Variants in TDRD9 observed in about 807,000 individuals in gnomAD.
TDRD9 encodes the protein ATP-dependent RNA helicase TDRD9.
In TDRD9, 124 loss-of-function variants were observed where a neutral mutation model predicts 172.6. The observed-to-expected ratio is 0.72, with a 90% CI of 0.62 to 0.83. The LOEUF (loss-of-function observed/expected upper bound fraction) is 0.83. TDRD9 is among the 40% of genes least tolerant of loss of function. The pLI is 0.00. For missense variants in TDRD9, 1,479 were observed against 1,714.1 expected (o/e 0.86, Z 2.42); for synonymous variants, 619 against 617.1 (o/e 1.00, Z -0.05).
At position 104,052,425 on chromosome 14, in the gene TDRD9, G is replaced by A. The variant is rs1487525872; in HGVS notation, c.*343G>A. ...ATAAGTAGTTAATCTTAGATGTAAGGTTCCAGAATGTGCTTACATATTCTG... is the reference window on the plus strand; with the variant it reads ...ATAAGTAGTTAATCTTAGATGTAAGATTCCAGAATGTGCTTACATATTCTG... On this transcript the variant is annotated 3_prime_UTR_variant, in exon 36 of 36. Transcript: ENST00000409874. 1 of 169,858 alleles carries A rather than the reference G, an allele frequency of 5.9e-6. No homozygotes were observed. Among genetic ancestry groups the A allele is most frequent in the African/African-American group, 2.4e-5 (1 of 41,934 alleles). The allele number at this position is 169,858 out of a possible 1,614,324, so 10.5% of individuals were successfully genotyped here.
chr14:103,958,421 C>G (rs553215470), intron 2 of TDRD9, among the ~76,000 whole-genome samples: 1 of 152,274 alleles, frequency 6.6e-6, no homozygotes, highest in East Asian at 1.9e-4. Context: ...GCAGGGTCAG[C>G]TGGAGGCTAA....
Position 103,928,698 on chromosome 14 carries a change from G to C in TDRD9, c.189G>C (p.Pro63=). 3 of 1,191,164 alleles carry C rather than the reference G, an allele frequency of 2.5e-6. No individual in the cohort carries two copies. Among genetic ancestry groups the C allele is most frequent in the Non-Finnish European group, 2.1e-6 (2 of 953,748 alleles). 73.8% of individuals were successfully genotyped at this position (1,191,164 alleles called of 1,614,324 possible). ...AGGCTCCGGCTCTGGCCCAAGCTCC[G>C]GCCCGGCCGGCCGCTGCGTTCGAAA... ...AAQAPALAQA[P]ARPAAAFERS... is the part of the protein sequence containing the mutation. Residue 63 remains proline, a synonymous_variant, in exon 1 of 36, where the codon CCG becomes CCC. Coordinates refer to ENST00000409874, the MANE Select transcript of TDRD9 (RefSeq NM_153046.3).
In TDRD9 at chr14:103,956,105, AAAAAAAATATATATATATATATATATAT is replaced by A. The variant is rs1298492310; in HGVS notation, c.322+337_322+364del. 7.8e-4 allele frequency among the ~76,000 whole-genome samples: 31 copies of A among 39,566 alleles called. 1 individual carries two copies. Among genetic ancestry groups the A allele is most frequent in the South Asian group, 6.5e-3 (6 of 928 alleles). 26.0% of individuals were successfully genotyped at this position (39,566 alleles called of 152,430 possible). On this transcript the variant is annotated intron_variant, in intron 2 of 35. Coordinates refer to ENST00000409874, the MANE Select transcript of TDRD9 (RefSeq NM_153046.3). ...AAAAAAAAAAAAAAAAAAAAAAAAA[AAAAAAAATATATATATATATATATATAT>A]ATATATATATATATATAATTATTAG...
At chr14:104,045,735 G>A (rs144822983) in intron 34 of TDRD9, among the ~76,000 whole-genome samples, 142 of 152,310 alleles carry the variant, frequency 9.3e-4, no homozygotes, top group African/African-American at 3.3e-3. Flanking sequence ...TATCAAGAGA[G>A]TATGGATTGT....
intron 20 of TDRD9, among the ~76,000 whole-genome samples, chr14:104,014,190 C>T (rs963903091): frequency 6.1e-5 from 9 of 146,656 alleles, no homozygotes; most frequent in East Asian, 4.1e-4. Context: ...GCTGTGATCG[C>T]GCCACTGCAC....
intron 35 of TDRD9, chr14:104,049,975 G>A (rs1489937281): frequency 6.4e-6 from 2 of 314,928 alleles, no homozygotes; most frequent in Non-Finnish European, 1.2e-5. Flanking sequence ...GCTCTTGTTG[G>A]TCTTTGTGAA....
intron 30 of TDRD9, among the ~76,000 whole-genome samples, chr14:104,032,915 C>T (rs952527589): frequency 5.3e-5 from 8 of 152,044 alleles, no homozygotes; most frequent in Non-Finnish European, 1.0e-4. Flanking sequence ...TGAGGCCTGG[C>T]GGATACAGAG....
chr14:104,051,759 C>T (rs973430055), intron 35 of TDRD9, among the ~76,000 whole-genome samples: 1 of 152,114 alleles, frequency 6.6e-6, no homozygotes, highest in Admixed American at 6.5e-5. Context: ...TTTTGAGAAG[C>T]GTTCATGTCT....
chr14:103,955,858 C>A, intron 2 of TDRD9, 88 bp downstream of exon 2: 1 of 1,115,530 alleles, frequency 9.0e-7, no homozygotes, highest in South Asian at 1.5e-5. Context: ...GCCTGTAATT[C>A]CAGCTACTCA....
intron 20 of TDRD9, among the ~76,000 whole-genome samples, chr14:104,012,470 GT>G (rs964333448): frequency 1.1e-4 from 16 of 147,408 alleles, no homozygotes; most frequent in African/African-American, 3.9e-4. Flanking sequence ...TCTTGTGTAT[GT>G]TTTTTGGGAG....
chr14:103,978,216 G>T (rs2033333058), intron 7 of TDRD9, among the ~76,000 whole-genome samples: 1 of 151,918 alleles, frequency 6.6e-6, no homozygotes, highest in Non-Finnish European at 1.5e-5. Flanking sequence ...GAATGTCATT[G>T]GTATTTTGAT....
intron 24 of TDRD9, 93 bp downstream of exon 24, chr14:104,022,423 G>C: frequency 7.4e-7 from 1 of 1,353,212 alleles, no homozygotes; most frequent in African/African-American, 1.5e-5. Context: ...CATTGCTTCA[G>C]ATCATGGTAA....
chr14:103,956,104 AAAAAAAAATATAT>A (rs1181776341), intron 2 of TDRD9, among the ~76,000 whole-genome samples: 3 of 51,766 alleles, frequency 5.8e-5, no homozygotes, highest in Non-Finnish European at 6.8e-5. Context: ...AAAAAAAAAA[AAAAAAAAATATAT>A]ATATATATAT....
rs1223401130 is a variant in TDRD9, at chr14:104,004,190, G to A, written c.1484-48G>A. 4.4e-6 allele frequency: 4 copies of A among 919,302 alleles called. No homozygotes were observed. The African/African-American group carries it at 4.8e-5, about 11-fold the overall frequency. 56.9% of individuals were successfully genotyped at this position (919,302 alleles called of 1,614,324 possible). A position where few individuals can be genotyped will look rare whatever the true frequency, so the allele number is the denominator to read the frequency against. ...TTTAAAAAGATACCTTCATGCTGAT[G>A]TTAAAGTAATTAATGCCAAACACTG... On this transcript the variant is annotated intron_variant, in intron 13 of 35. Coordinates refer to ENST00000409874, the MANE Select transcript of TDRD9 (RefSeq NM_153046.3).
intron 7 of TDRD9, among the ~76,000 whole-genome samples, chr14:103,976,658 C>T (rs1045946215): frequency 6.6e-6 from 1 of 152,148 alleles, no homozygotes; most frequent in Non-Finnish European, 1.5e-5. Context: ...ATCTCTTCAG[C>T]ATATTGTTTT....
At chr14:104,041,640 C>T (rs995626327) in intron 33 of TDRD9, among the ~76,000 whole-genome samples, 3 of 152,192 alleles carry the variant, frequency 2.0e-5, no homozygotes, top group African/African-American at 7.2e-5. Flanking sequence ...TGAGATAGCA[C>T]CACCTACTTA....
chr14:103,986,818 A>G (rs1049516532), intron 8 of TDRD9, among the ~76,000 whole-genome samples: 1 of 152,178 alleles, frequency 6.6e-6, no homozygotes, highest in Non-Finnish European at 1.5e-5. Flanking sequence ...ACTAGAGTTT[A>G]TAATTTTAAA....
At chr14:104,051,111 T>C (rs2035924570) in intron 35 of TDRD9, among the ~76,000 whole-genome samples, 1 of 152,168 alleles carries the variant, frequency 6.6e-6, no homozygotes, top group Non-Finnish European at 1.5e-5. Context: ...TTTCAATCCT[T>C]GCCTCCCTCC....
At chr14:103,940,815 T>C in intron 1 of TDRD9, 21 of 1,532,574 alleles carry the variant, frequency 1.4e-5, no homozygotes, top group Non-Finnish European at 1.7e-5. Context: ...CTTAACTAGA[T>C]GGGTGATAAT....
Sources: allele counts gnomAD v4.1 joint callset (sites outside exome capture counted in the v4.1 genomes callset), GRCh38; gene constraint gnomAD v4.1.1; transcripts MANE v1.5; gene names NCBI Gene and HGNC (gene_info 2026-07-23, HGNC 2026-07-21).